STXBP5L: variants seen among roughly 807,000 people sequenced by gnomAD.
STXBP5L encodes syntaxin binding protein 5L.
In STXBP5L, 65 loss-of-function variants were observed where a neutral mutation model predicts 144.5. The ratio of observed to expected loss-of-function variants is 0.45; its 90% confidence interval spans 0.37 to 0.55. The LOEUF (loss-of-function observed/expected upper bound fraction) is 0.55, where lower values mean the gene tolerates loss of function less well. STXBP5L is among the 20% of genes least tolerant of loss of function. The pLI, the probability that STXBP5L is intolerant of heterozygous loss-of-function variation, is 0.00. For missense variants in STXBP5L, 1,298 were observed against 1,405.5 expected (o/e 0.92, Z 1.22); for synonymous variants, 505 against 469.6 (o/e 1.08, Z -0.97).
chr3:121,025,699 A>G (rs1010102687), intron 3 of STXBP5L, among the ~76,000 whole-genome samples: 5 of 151,684 alleles, frequency 3.3e-5, no homozygotes, highest in Non-Finnish European at 7.4e-5. Context: ...TGACTCAGAT[A>G]TATTTTTACC....
chr3:121,270,965 A>G (rs542340968), intron 18 of STXBP5L, among the ~76,000 whole-genome samples: 2 of 152,250 alleles, frequency 1.3e-5, no homozygotes, highest in South Asian at 4.1e-4. Flanking sequence ...GCTAATTTTG[A>G]TTGCTTGTTA....
chr3:121,052,107 A>G (rs919206093), intron 5 of STXBP5L, among the ~76,000 whole-genome samples: 7 of 152,194 alleles, frequency 4.6e-5, no homozygotes, highest in African/African-American at 1.4e-4. Context: ...CCAACCAAAA[A>G]CAGTCCAGGA....
rs2047354735 is a variant in STXBP5L at position 121,421,634 on chromosome 3, CAT to C, written c.*2538_*2539del. On this transcript the variant is annotated 3_prime_UTR_variant, in exon 27 of 27. Transcript: ENST00000471454. ...AGATAAATTATTATACCCAAAATTA[CAT>C]GTGTGGTTCATATGCAATAAGATAC... 1 of 152,128 alleles carries C rather than the reference CAT, an allele frequency of 6.6e-6. No homozygotes were observed. Among genetic ancestry groups the C allele is most frequent in the South Asian group, 2.1e-4 (1 of 4,828 alleles). The allele number at this position is 152,128 out of a possible 1,614,324, so 9.4% of individuals were successfully genotyped here.
At chr3:121,410,855 C>T (rs1046192965) in intron 23 of STXBP5L, among the ~76,000 whole-genome samples, 3 of 152,068 alleles carry the variant, frequency 2.0e-5, no homozygotes, top group Non-Finnish European at 2.9e-5. Flanking sequence ...TAGCAACTGA[C>T]TTGCTCTTTC....
intron 19 of STXBP5L, among the ~76,000 whole-genome samples, chr3:121,288,906 T>C (rs1035842247): frequency 1.3e-5 from 2 of 152,182 alleles, no homozygotes; most frequent in African/African-American, 4.8e-5. Flanking sequence ...CATCATGAAA[T>C]CTTTGTCAGG....
intron 5 of STXBP5L, among the ~76,000 whole-genome samples, chr3:121,094,319 G>T (rs984084089): frequency 6.6e-6 from 1 of 151,998 alleles, no homozygotes; most frequent in African/African-American, 2.4e-5. Context: ...CCAATTCCTG[G>T]GTATCCTTGT....
intron 20 of STXBP5L, among the ~76,000 whole-genome samples, chr3:121,370,154 T>C (rs1175458571): frequency 6.6e-6 from 1 of 152,004 alleles, no homozygotes; most frequent in Non-Finnish European, 1.5e-5. Flanking sequence ...TCACTTGAGG[T>C]CAGGAGTTCA....
At chr3:121,393,432 A>G (rs1037532244) in intron 22 of STXBP5L, among the ~76,000 whole-genome samples, 1 of 152,090 alleles carries the variant, frequency 6.6e-6, no homozygotes, top group Non-Finnish European at 1.5e-5. Context: ...TTTTCAGTTT[A>G]ATTAAGTCCT....
At chr3:121,336,384 C>A (rs2044505615) in intron 20 of STXBP5L, among the ~76,000 whole-genome samples, 1 of 152,086 alleles carries the variant, frequency 6.6e-6, no homozygotes, top group South Asian at 2.1e-4. Context: ...GTAGTCCTAG[C>A]TACTCAGGAG....
chr3:121,157,865 C>T (rs2046177398), intron 9 of STXBP5L: 1 of 435,170 alleles, frequency 2.3e-6, no homozygotes. Context: ...ACTGTCCCAA[C>T]CAAAAATTGG....
Position 121,143,293 on chromosome 3 carries a change from TA to T in STXBP5L, c.670-9171del, listed in dbSNP as rs531040209. Among the ~76,000 whole-genome samples the T allele has an allele frequency of 2.3e-3, 314 of 138,844 alleles. 2 individuals carry two copies. Among genetic ancestry groups the T allele is most frequent in the Middle Eastern group, 7.4e-3 (2 of 270 alleles). 91.1% of individuals were successfully genotyped at this position (138,844 alleles called of 152,430 possible). On this transcript the variant is annotated intron_variant, in intron 7 of 26. Coordinates refer to ENST00000471454, the MANE Select transcript of STXBP5L (RefSeq NM_001308330.2). ...GAAGAAATAACATCAGTCCTTAAAT[TA>T]AAAAAAAAAAAACAACTTGAAAAGG...
At chr3:121,165,926 A>G (rs1194872196) in intron 9 of STXBP5L, among the ~76,000 whole-genome samples, 2 of 152,080 alleles carry the variant, frequency 1.3e-5, no homozygotes, top group Non-Finnish European at 2.9e-5. Context: ...TTTATTTGTT[A>G]TGAAAAGTTA....
chr3:121,180,232 C>T (rs1313738098), intron 9 of STXBP5L, among the ~76,000 whole-genome samples: 2 of 152,166 alleles, frequency 1.3e-5, no homozygotes, highest in Non-Finnish European at 2.9e-5. Flanking sequence ...AGATTAGCAG[C>T]AGATTTGTCA....
chr3:121,035,611 T>C (rs957358842), intron 3 of STXBP5L, among the ~76,000 whole-genome samples: 1 of 152,168 alleles, frequency 6.6e-6, no homozygotes, highest in Admixed American at 6.6e-5. Context: ...TACTGTAGCT[T>C]TGTAGTGTAA....
At chr3:121,365,784 A>T (rs1054714135) in intron 20 of STXBP5L, among the ~76,000 whole-genome samples, 4 of 148,998 alleles carry the variant, frequency 2.7e-5, no homozygotes, top group South Asian at 2.2e-4. Context: ...CTCTGCTCTA[A>T]TGTTTATGTT....
intron 16 of STXBP5L, among the ~76,000 whole-genome samples, chr3:121,256,567 C>T (rs1217710320): frequency 6.6e-6 from 1 of 151,476 alleles, no homozygotes; most frequent in African/African-American, 2.4e-5. Context: ...TAAACAAAAG[C>T]CAAGGTAATG....
At chr3:121,329,332 G>A (rs919289146) in intron 20 of STXBP5L, among the ~76,000 whole-genome samples, 2 of 152,140 alleles carry the variant, frequency 1.3e-5, no homozygotes, top group African/African-American at 2.4e-5. Context: ...GATACCTGGA[G>A]GTGTCCACTA....
intron 14 of STXBP5L, among the ~76,000 whole-genome samples, chr3:121,240,760 A>G (rs1246874500): frequency 6.6e-6 from 1 of 152,204 alleles, no homozygotes; most frequent in African/African-American, 2.4e-5. Flanking sequence ...ATGAGATATT[A>G]GTCTTCATGG....
intron 20 of STXBP5L, among the ~76,000 whole-genome samples, chr3:121,374,571 T>A (rs1325217480): frequency 6.6e-6 from 1 of 151,950 alleles, no homozygotes; most frequent in Non-Finnish European, 1.5e-5. Context: ...AGAAAAACAA[T>A]TCCTGAGCTG....
Sources: gnomAD v4.1 joint callset for allele counts (sites outside exome capture counted in the v4.1 genomes callset) on GRCh38, gnomAD v4.1.1 for gene constraint, MANE v1.5 for transcripts, NCBI Gene and HGNC (gene_info 2026-07-23, HGNC 2026-07-21) for gene names.